Variants in ARHGAP8 observed in about 807,000 individuals in gnomAD.
ARHGAP8 encodes the protein Rho GTPase activating protein 8, also known as rho GTPase-activating protein 8.
ARHGAP8 carries 62 observed loss-of-function variants against 46.1 expected under a neutral mutation model. The observed-to-expected ratio is 1.34, with a 90% CI of 1.10 to 1.66. ARHGAP8 has a LOEUF of 1.66. Among genes scored for constraint, ARHGAP8 ranks in the 40% most tolerant of loss-of-function variants. ARHGAP8 has a pLI of 0.00. For missense variants in ARHGAP8, 923 were observed against 568.4 expected (o/e 1.62, Z -6.34); for synonymous variants, 375 against 243.1 (o/e 1.54, Z -5.05).
At chr22:44,790,718 GA>G (rs1208515453) in intron 2 of ARHGAP8, among the ~76,000 whole-genome samples, 1 of 120,122 alleles carries the variant, frequency 8.3e-6, no homozygotes, top group Admixed American at 8.0e-5. Flanking sequence ...GGAGCCCTGG[GA>G]AAGAACCTGG....
rs6007283 is a variant in ARHGAP8 at position 44,772,496 on chromosome 22, G to T, written c.-71-13961G>T. 6.0e-3 allele frequency among the ~76,000 whole-genome samples: 906 copies of T among 151,020 alleles called. 10 individuals carry two copies. The highest frequency in any genetic ancestry group is 0.021 in the African/African-American group (876 of 41,218). Reference sequence around the variant, plus strand: ...TGAGCCACCGTGCTGGCTGATTTTTGAATATTAAAACAACTCTGCAAAGCT... The same window carrying T: ...TGAGCCACCGTGCTGGCTGATTTTTTAATATTAAAACAACTCTGCAAAGCT... On this transcript the variant is annotated intron_variant, in intron 1 of 11. Coordinates refer to ENST00000356099, the MANE Select transcript of ARHGAP8 (RefSeq NM_181335.3).
rs558606087 is a variant in ARHGAP8 at position 44,767,961 on chromosome 22, C to CAGAT, written c.-72+15335_-72+15338dup. 1.5e-4 allele frequency among the ~76,000 whole-genome samples: 20 copies of CAGAT among 135,750 alleles called. No homozygotes were observed. The South Asian group carries it at 5.1e-3, about 34-fold the overall frequency. 89.1% of individuals were successfully genotyped at this position (135,750 alleles called of 152,430 possible). A position where few individuals can be genotyped will look rare whatever the true frequency, so the allele number is the denominator to read the frequency against. ...TGTAGAATGTCTCTCCTAGATTTGTCAGATTTCCTCCCCGCATGATGTCTT... is the reference window on the plus strand; with the variant it reads ...TGTAGAATGTCTCTCCTAGATTTGTCAGATAGATTTCCTCCCCGCATGATGTCTT... On this transcript the variant is annotated intron_variant, in intron 1 of 11. Coordinates refer to ENST00000356099, the MANE Select transcript of ARHGAP8 (RefSeq NM_181335.3).
intron 2 of ARHGAP8, among the ~76,000 whole-genome samples, chr22:44,800,538 C>T (rs568776806): frequency 6.6e-6 from 1 of 150,708 alleles, no homozygotes; most frequent in East Asian, 2.0e-4. Context: ...GCACCCCTCC[C>T]CGCAGCTGTC....
At chr22:44,818,908 AG>A (rs1437008919) in intron 5 of ARHGAP8, among the ~76,000 whole-genome samples, 1 of 152,146 alleles carries the variant, frequency 6.6e-6, no homozygotes, top group Non-Finnish European at 1.5e-5. Context: ...TATGTTGCCC[AG>A]GCTGGACTGG....
intron 5 of ARHGAP8, among the ~76,000 whole-genome samples, chr22:44,816,397 A>C (rs1446236128): frequency 6.6e-6 from 1 of 152,048 alleles, no homozygotes; most frequent in African/African-American, 2.4e-5. Context: ...TCTTCCCACC[A>C]GCCGTCTCCC....
intron 7 of ARHGAP8, among the ~76,000 whole-genome samples, chr22:44,834,538 T>C (rs1931158630): frequency 6.6e-6 from 1 of 152,178 alleles, no homozygotes; most frequent in African/African-American, 2.4e-5. Flanking sequence ...TGGTCTAGCC[T>C]GGAGAATATT....
chr22:44,801,840 A>G (rs987269219), intron 2 of ARHGAP8: 26 of 554,894 alleles, frequency 4.7e-5, no homozygotes, highest in Middle Eastern at 4.9e-4. Context: ...TCGGTTTTCT[A>G]TCTGTAAAGT....
At chr22:44,857,470 C>G (rs2070260875) in intron 10 of ARHGAP8, among the ~76,000 whole-genome samples, 1 of 152,162 alleles carries the variant, frequency 6.6e-6, no homozygotes, top group Admixed American at 6.5e-5. Context: ...AGTTTATTTA[C>G]TAGAAGTTGC....
chr22:44,838,121 G>A (rs1931408477), intron 7 of ARHGAP8, among the ~76,000 whole-genome samples: 1 of 150,870 alleles, frequency 6.6e-6, no homozygotes, highest in South Asian at 2.1e-4. Flanking sequence ...TTACAGGAGT[G>A]CGCCACCATG....
rs574922451 is a variant in ARHGAP8 at position 44,818,843 on chromosome 22, C to T, written c.387-3528C>T. ...TCTCACATAGCCGGGATTACAGGTG[C>T]GCACCACTGTGCCCAGCTAGTTTAA... On this transcript the variant is annotated intron_variant, in intron 5 of 11. Coordinates refer to ENST00000356099, the MANE Select transcript of ARHGAP8 (RefSeq NM_181335.3). Among the ~76,000 whole-genome samples, 220 of 151,684 alleles carry T rather than the reference C, an allele frequency of 1.5e-3. 3 individuals carry two copies. Among genetic ancestry groups the T allele is most frequent in the Non-Finnish European group, 2.8e-3 (191 of 67,948 alleles).
intron 1 of ARHGAP8, among the ~76,000 whole-genome samples, chr22:44,771,406 C>G (rs569532882): frequency 6.6e-6 from 1 of 151,904 alleles, no homozygotes; most frequent in East Asian, 1.9e-4. Flanking sequence ...GCCACCACGC[C>G]CAGCTAATTT....
At chr22:44,779,160 C>A (rs964742683) in intron 1 of ARHGAP8, among the ~76,000 whole-genome samples, 3 of 140,464 alleles carry the variant, frequency 2.1e-5, no homozygotes, top group Admixed American at 7.5e-5. Flanking sequence ...AGTGCAGTGG[C>A]GCGATCTTGG....
chr22:44,841,040 C>CT (rs915152195), intron 7 of ARHGAP8, among the ~76,000 whole-genome samples: 6 of 152,276 alleles, frequency 3.9e-5, no homozygotes, highest in Admixed American at 3.9e-4. Context: ...GCAGGGCTGC[C>CT]TTTCAGGGGA....
intron 1 of ARHGAP8, among the ~76,000 whole-genome samples, chr22:44,753,039 C>G (rs915377007): frequency 4.0e-5 from 6 of 151,724 alleles, no homozygotes; most frequent in African/African-American, 1.5e-4. Flanking sequence ...GTCGGGTCAG[C>G]GCCTGGGGGA....
intron 5 of ARHGAP8, 55 bp from the exon 6 acceptor site, chr22:44,822,316 C>A (rs1053499403): frequency 2.7e-6 from 4 of 1,490,306 alleles, no homozygotes; most frequent in South Asian, 1.3e-5. Flanking sequence ...CTGCAACCCT[C>A]GGCCTCTCTG....
At position 44,862,419 on chromosome 22, in the gene ARHGAP8, T is replaced by G; in HGVS notation, c.1126T>G (p.Tyr376Asp). 6.2e-7 allele frequency: 1 copy of G among 1,613,896 alleles called. No homozygotes were observed. The highest frequency in any genetic ancestry group is 8.5e-7 in the Non-Finnish European group (1 of 1,179,954). Residue 376 changes from tyrosine (Y) to aspartate (D), a missense_variant, in exon 12 of 12, where the codon TAC becomes GAC. Transcript: ENST00000356099. Reference sequence around the variant, plus strand: ...CATGTTCACTGAACTGCTGATCGAGTACTATGAAAAGATCTTCAGCACCCC... The same window carrying G: ...CATGTTCACTGAACTGCTGATCGAGGACTATGAAAAGATCTTCAGCACCCC... The part of the protein sequence containing the change: ...LNMFTELLIE[Y>D]YEKIFSTPEA...
intron 2 of ARHGAP8, among the ~76,000 whole-genome samples, chr22:44,789,130 CT>C (rs1379397246): frequency 6.6e-6 from 1 of 151,954 alleles, no homozygotes; most frequent in Non-Finnish European, 1.5e-5. Context: ...TGTTTTGATG[CT>C]TTTTGGTTTT....
chr22:44,844,747 G>C (rs1569176054), intron 7 of ARHGAP8, among the ~76,000 whole-genome samples: 1 of 152,228 alleles, frequency 6.6e-6, no homozygotes, highest in Non-Finnish European at 1.5e-5. Flanking sequence ...ACAGGTGTGT[G>C]CCACCGCACC....
intron 2 of ARHGAP8, 85 bp downstream of exon 2, chr22:44,786,691 G>A (rs1243560052): frequency 1.3e-6 from 2 of 1,505,500 alleles, no homozygotes; most frequent in Non-Finnish European, 1.8e-6. Flanking sequence ...GGCTCGTCAG[G>A]GGCTGCCTCA....
Sources: allele counts gnomAD v4.1 joint callset (sites outside exome capture counted in the v4.1 genomes callset), GRCh38; gene constraint gnomAD v4.1.1; transcripts MANE v1.5; gene names NCBI Gene and HGNC (gene_info 2026-07-23, HGNC 2026-07-21).